PLS1: variants seen among roughly 807,000 people sequenced by gnomAD.
PLS1 encodes plastin-1.
PLS1 carries 32 observed loss-of-function variants against 73.7 expected under a neutral mutation model. The ratio of observed to expected loss-of-function variants is 0.43; its 90% CI spans 0.33 to 0.58. PLS1 has a LOEUF of 0.58. PLS1 is among the 20% of genes least tolerant of loss of function. PLS1 has a pLI of 0.04. For missense variants in PLS1, 633 were observed against 740.5 expected (o/e 0.85, Z 1.68); for synonymous variants, 217 against 261.3 (o/e 0.83, Z 1.63).
At chr3:142,620,906 T>C (rs2036302836) in intron 1 of PLS1, among the ~76,000 whole-genome samples, 1 of 152,048 alleles carries the variant, frequency 6.6e-6, no homozygotes, top group South Asian at 2.1e-4. Flanking sequence ...TAATCACAGC[T>C]ACTAGAGAGG....
Position 142,676,279 on chromosome 3 carries a change from A to T in PLS1, c.487A>T (p.Ile163Phe). 6.2e-7 allele frequency: 1 copy of T among 1,612,892 alleles called. No individual in the cohort carries two copies. Among genetic ancestry groups the T allele is most frequent in the Non-Finnish European group, 8.5e-7 (1 of 1,179,606 alleles). Reference sequence around the variant, plus strand: ...TCTTTTCAAGTCACTTGCAGATGGCATCCTTCTTTGGTGAGTTGAACTTCT... The same window carrying T: ...TCTTTTCAAGTCACTTGCAGATGGCTTCCTTCTTTGGTGAGTTGAACTTCT... ...DSLFKSLADG[I>F]LLCKMINLSE... The change falls in exon 5 of 16, where the codon ATC (isoleucine) becomes TTC (phenylalanine). Residue 163 changes from isoleucine (I) to phenylalanine (F), a missense_variant. Physicochemically the swap from Ile to Phe is conservative, Grantham distance 21. Coordinates refer to ENST00000457734, the MANE Select transcript of PLS1 (RefSeq NM_001145319.2).
At position 142,599,581 on chromosome 3, in the gene PLS1, G is replaced by A. The variant is rs185879401; in HGVS notation, c.-37+3072G>A. On this transcript the variant is annotated intron_variant, in intron 1 of 15. Coordinates refer to ENST00000457734, the MANE Select transcript of PLS1 (RefSeq NM_001145319.2). ...CCTGACCTCATGATCCACCCGCCTC[G>A]GCCTCCCAAAGTGCTGGGATTACAG... is the stretch of plus-strand genomic sequence containing the variant. Among the ~76,000 whole-genome samples the A allele has an allele frequency of 6.1e-3, 915 of 151,222 alleles. 11 individuals carry two copies. Among genetic ancestry groups the A allele is most frequent in the African/African-American group, 0.021 (867 of 41,270 alleles).
chr3:142,678,930 A>G (rs1264134554), intron 6 of PLS1, among the ~76,000 whole-genome samples: 1 of 152,004 alleles, frequency 6.6e-6, no homozygotes, highest in East Asian at 1.9e-4. Context: ...CCTCTCCAGC[A>G]CCTGTTGTTT....
At chr3:142,708,463 G>A (rs1932955963) in intron 14 of PLS1, among the ~76,000 whole-genome samples, 1 of 152,140 alleles carries the variant, frequency 6.6e-6, no homozygotes. Context: ...AGCCAGGATG[G>A]TCTCAATCTC....
intron 1 of PLS1, among the ~76,000 whole-genome samples, chr3:142,599,575 C>T (rs1001006811): frequency 5.3e-5 from 8 of 151,732 alleles, no homozygotes; most frequent in Admixed American, 2.0e-4. Context: ...ATGATCCACC[C>T]GCCTCGGCCT....
In PLS1 at chr3:142,622,299, G is replaced by A. The variant is rs568667889; in HGVS notation, c.-37+25790G>A. Among the ~76,000 whole-genome samples, 4 of 152,224 alleles carry A rather than the reference G, an allele frequency of 2.6e-5. No individual in the cohort carries two copies. In the East Asian group the frequency reaches 7.7e-4, roughly 29 times the overall value. On this transcript the variant is annotated intron_variant, in intron 1 of 15. Coordinates refer to ENST00000457734, the MANE Select transcript of PLS1 (RefSeq NM_001145319.2). Reference sequence around the variant, plus strand: ...ATGCTAGACTGTACCCATTTAAAGTGGACAGCCGGCAGTGTTTTGACAGGT... The same window carrying A: ...ATGCTAGACTGTACCCATTTAAAGTAGACAGCCGGCAGTGTTTTGACAGGT...
rs948107347 is a variant in PLS1 at position 142,608,461 on chromosome 3, A to G, written c.-37+11952A>G. Among the ~76,000 whole-genome samples, 4 of 152,202 alleles carry G rather than the reference A, an allele frequency of 2.6e-5. 1 individual carries two copies. The highest frequency in any genetic ancestry group is 6.5e-5 in the Admixed American group (1 of 15,278). On this transcript the variant is annotated intron_variant, in intron 1 of 15. Coordinates refer to ENST00000457734, the MANE Select transcript of PLS1 (RefSeq NM_001145319.2). Reference sequence around the variant, plus strand: ...CATCCAATGTATATTGAGTACTTCCACCTACATCAATCCCAGTAATTCTCA... The same window carrying G: ...CATCCAATGTATATTGAGTACTTCCGCCTACATCAATCCCAGTAATTCTCA...
At chr3:142,665,802 A>AT (rs34007040) in intron 2 of PLS1, among the ~76,000 whole-genome samples, 11,776 of 149,668 alleles carry the variant, frequency 0.079, 880 homozygotes, top group African/African-American at 0.2. Context: ...TGATGGAACA[A>AT]TTTTTTTTTT....
intron 9 of PLS1, among the ~76,000 whole-genome samples, chr3:142,688,067 C>T (rs1051373139): frequency 2.0e-5 from 3 of 151,968 alleles, no homozygotes; most frequent in African/African-American, 7.3e-5. Flanking sequence ...CCTACCTCCA[C>T]TTCCTGAGTA....
chr3:142,650,201 G>GCTT (rs1198196892), intron 1 of PLS1, among the ~76,000 whole-genome samples: 18 of 142,976 alleles, frequency 1.3e-4, no homozygotes, highest in African/African-American at 3.1e-4. Flanking sequence ...GTTGGTTTTG[G>GCTT]CTTCTTCTTC....
chr3:142,630,412 C>G (rs1396975161), intron 1 of PLS1, among the ~76,000 whole-genome samples: 1 of 104,692 alleles, frequency 9.6e-6, no homozygotes, highest in Non-Finnish European at 1.8e-5. Flanking sequence ...CACAGTGAGA[C>G]CCTGCCTCAA....
At chr3:142,700,859 T>A (rs183622806) in intron 12 of PLS1, among the ~76,000 whole-genome samples, 129 of 152,320 alleles carry the variant, frequency 8.5e-4, no homozygotes, top group African/African-American at 3.0e-3. Flanking sequence ...AGTTCCCCCA[T>A]ACTGTTCTCA....
chr3:142,668,853 C>T (rs551721335), intron 2 of PLS1, among the ~76,000 whole-genome samples: 8 of 152,084 alleles, frequency 5.3e-5, no homozygotes, highest in East Asian at 1.9e-4. Context: ...CTGCCTACCT[C>T]GGCCTCCCAA....
intron 1 of PLS1, among the ~76,000 whole-genome samples, chr3:142,611,357 C>T (rs1474679925): frequency 6.6e-6 from 1 of 152,122 alleles, no homozygotes; most frequent in East Asian, 1.9e-4. Context: ...CATGGTGGCT[C>T]ATGTCTGTAA....
chr3:142,695,661 G>A (rs2038178560), intron 11 of PLS1, among the ~76,000 whole-genome samples: 1 of 152,156 alleles, frequency 6.6e-6, no homozygotes, highest in African/African-American at 2.4e-5. Flanking sequence ...ATTTGAGTGT[G>A]TGGATATTTG....
chr3:142,698,905 C>T (rs2038268096), intron 12 of PLS1, among the ~76,000 whole-genome samples: 1 of 152,050 alleles, frequency 6.6e-6, no homozygotes. Context: ...ATACAGCACA[C>T]AAGAAAACAA....
Position 142,620,604 on chromosome 3 carries a change from C to T in PLS1, c.-37+24095C>T, listed in dbSNP as rs183427670. ...GTAAATTCTTTTCTAAATGTTCTTG[C>T]TTTATCAAATAGTTTGAGTTACAGA... On this transcript the variant is annotated intron_variant, in intron 1 of 15. Coordinates refer to ENST00000457734, the MANE Select transcript of PLS1 (RefSeq NM_001145319.2). Among the ~76,000 whole-genome samples the T allele has an allele frequency of 1.9e-4, 29 of 152,236 alleles. No homozygotes were observed. The East Asian group carries it at 5.6e-3, about 29-fold the overall frequency.
intron 1 of PLS1, among the ~76,000 whole-genome samples, chr3:142,625,104 A>T (rs1470847703): frequency 6.6e-6 from 1 of 152,202 alleles, no homozygotes; most frequent in Non-Finnish European, 1.5e-5. Context: ...ATGACTTAAC[A>T]GTCAGTGCTG....
intron 1 of PLS1, among the ~76,000 whole-genome samples, chr3:142,641,840 C>T (rs1383696007): frequency 6.6e-6 from 1 of 152,076 alleles, no homozygotes; most frequent in Non-Finnish European, 1.5e-5. Flanking sequence ...TCAGATTTCT[C>T]CTGGGTGCCT....
Sources: gnomAD v4.1 joint callset for allele counts (sites outside exome capture counted in the v4.1 genomes callset) on GRCh38, gnomAD v4.1.1 for gene constraint, MANE v1.5 for transcripts, NCBI Gene and HGNC (gene_info 2026-07-23, HGNC 2026-07-21) for gene names.